TULP1: variants seen among roughly 807,000 people sequenced by gnomAD.
The protein encoded by TULP1 is TUB like protein 1.
A neutral mutation model predicts 67.1 loss-of-function variants in TULP1; 50 were observed. That is an observed-to-expected ratio of 0.75 (90% CI 0.59 to 0.94). The LOEUF (loss-of-function observed/expected upper bound fraction) is 0.94, where lower values mean the gene tolerates loss of function less well. TULP1 is among the 40% of genes least tolerant of loss of function. TULP1 has a pLI of 0.00. For synonymous variants in TULP1, 297 were observed against 294.0 expected (o/e 1.01, Z -0.11); for missense variants, 746 against 734.1 (o/e 1.02, Z -0.19).
Position 35,503,570 on chromosome 6 carries a change from G to A in TULP1, c.1312C>T (p.Arg438Trp), listed in dbSNP as rs753820059. The change falls in exon 13 of 15, where the codon CGG becomes TGG. Residue 438 changes from arginine to tryptophan, a missense_variant. This residue lies in a region of TULP1 where 383 missense variants were observed against 374.1 expected (regional missense o/e 1.02). Coordinates refer to ENST00000229771, the MANE Select transcript of TULP1 (RefSeq NM_003322.6). The surrounding 1 kb of genome is among the most constrained non-coding windows in gnomAD (Gnocchi z 4.0). ...GGTGCGGGGCTCACATTTCGGGGCC[G>A]GATGGGGACCCTCTCGTTCTCCGCA... ...MSAENERVPI[R>W]PRNASDGLLV... 2.9e-5 allele frequency: 45 copies of A among 1,575,414 alleles called. No individual in the cohort carries two copies. The highest frequency in any genetic ancestry group is 4.7e-5 in the East Asian group (2 of 42,606).
At position 35,503,575 on chromosome 6, in the gene TULP1, G is replaced by A; in HGVS notation, c.1307C>T (p.Pro436Leu). The part of the protein sequence containing the change: ...PGMSAENERV[P>L]IRPRNASDGL... ...GGGGCTCACATTTCGGGGCCGGATG[G>A]GGACCCTCTCGTTCTCCGCACTCAT... Residue 436 changes from proline to leucine, a missense_variant, in exon 13 of 15, where the codon CCC becomes CTC. Pro to Leu is a moderately conservative substitution (Grantham distance 98, BLOSUM62 -3). Coordinates refer to ENST00000229771, the MANE Select transcript of TULP1 (RefSeq NM_003322.6). This position sits in a 1 kb window ranked among gnomAD's most constrained non-coding sequence, Gnocchi z 4.0. 6.3e-7 allele frequency: 1 copy of A among 1,579,478 alleles called. No individual in the cohort carries two copies. The highest frequency in any genetic ancestry group is 1.2e-5 in the South Asian group (1 of 86,060).
At position 35,503,452 on chromosome 6, in the gene TULP1, T is replaced by G; in HGVS notation, c.1323+107A>C. 1 of 1,134,212 alleles carries G rather than the reference T, an allele frequency of 8.8e-7. No individual in the cohort carries two copies. Among genetic ancestry groups the G allele is most frequent in the Non-Finnish European group, 1.3e-6 (1 of 778,704 alleles). The allele number at this position is 1,134,212 out of a possible 1,614,324, so 70.3% of individuals were successfully genotyped here. A position where few individuals can be genotyped will look rare whatever the true frequency, so the allele number is the denominator to read the frequency against. On this transcript the variant is annotated intron_variant, in intron 13 of 14. Coordinates refer to ENST00000229771, the MANE Select transcript of TULP1 (RefSeq NM_003322.6). The surrounding 1 kb of genome is among the most constrained non-coding windows in gnomAD (Gnocchi z 4.0). The stretch of plus-strand genomic sequence containing the variant: ...TCCCTAGGTGGCCAGAATGAATTTG[T>G]GTTGGAGGGTGATGGATGTGCTCAG...
chr6:35,510,383 C>G (rs1051828947), intron 5 of TULP1, among the ~76,000 whole-genome samples: 23 of 152,152 alleles, frequency 1.5e-4, no homozygotes, highest in African/African-American at 5.6e-4. Flanking sequence ...TCCAGGAAAC[C>G]TTCTCTGGTC....
intron 13 of TULP1, 24 bp from the exon 14 acceptor site, chr6:35,500,176 CAG>C: frequency 6.2e-7 from 1 of 1,613,230 alleles, no homozygotes; most frequent in Non-Finnish European, 8.5e-7. Flanking sequence ...GGGGAGTAGA[CAG>C]GGAGAGGACA....
At position 35,506,430 on chromosome 6, in the gene TULP1, C is replaced by G. The variant is rs1761090327; in HGVS notation, c.823-151G>C. On this transcript the variant is annotated intron_variant, in intron 8 of 14. Transcript: ENST00000229771. ...TGTGATTTATTTTGATTCTGCTTAGCTTGTGGATAGGAGCACACACTCTGG... is the reference window on the plus strand; with the variant it reads ...TGTGATTTATTTTGATTCTGCTTAGGTTGTGGATAGGAGCACACACTCTGG... The G allele has an allele frequency of 5.0e-6, 5 of 993,586 alleles. No individual in the cohort carries two copies. In the East Asian group the frequency reaches 1.3e-4, roughly 26 times the overall value. The allele number at this position is 993,586 out of a possible 1,614,324, so 61.5% of individuals were successfully genotyped here.
At position 35,509,792 on chromosome 6, in the gene TULP1, C is replaced by T. The variant is rs765596502; in HGVS notation, c.601+35G>A. On this transcript the variant is annotated intron_variant, in intron 6 of 14. Coordinates refer to ENST00000229771, the MANE Select transcript of TULP1 (RefSeq NM_003322.6). Reference sequence around the variant, plus strand: ...GAAAGCGTCACAACCCCCACCGCAACTGGAGTCCCCTGTTCCTCCCTAGGC... The same window carrying T: ...GAAAGCGTCACAACCCCCACCGCAATTGGAGTCCCCTGTTCCTCCCTAGGC... 3 of 1,614,108 alleles carry T rather than the reference C, an allele frequency of 1.9e-6. No individual in the cohort carries two copies. In the East Asian group the frequency reaches 6.7e-5, roughly 36 times the overall value.
At chr6:35,510,792 A>T in intron 5 of TULP1, 69 bp downstream of exon 5, 1 of 1,608,346 alleles carries the variant, frequency 6.2e-7, no homozygotes, top group Admixed American at 1.7e-5. Context: ...TCTCAGTGAG[A>T]CGCCAAGCCC....
intron 8 of TULP1, among the ~76,000 whole-genome samples, chr6:35,508,879 G>A (rs1295096253): frequency 6.6e-6 from 1 of 152,116 alleles, no homozygotes; most frequent in Non-Finnish European, 1.5e-5. Context: ...CTGCCTCTCT[G>A]CCTGTGTGCT....
At chr6:35,502,832 A>G (rs1364152536) in intron 13 of TULP1, among the ~76,000 whole-genome samples, 1 of 151,824 alleles carries the variant, frequency 6.6e-6, no homozygotes, top group Non-Finnish European at 1.5e-5. Context: ...ACCACCTTCC[A>G]GTATGCTCCA....
Position 35,498,542 on chromosome 6 carries a change from GCAGT to G in TULP1, c.1496-86_1496-83del. 2.5e-6 allele frequency: 4 copies of G among 1,596,546 alleles called. No homozygotes were observed. Among genetic ancestry groups the G allele is most frequent in the Non-Finnish European group, 3.4e-6 (4 of 1,171,794 alleles). ...GCAGACAGTGCCCTCAACCTTGGGG[GCAGT>G]CTGTCCCTTGCCTTGGGGCTCCAAC... On this transcript the variant is annotated intron_variant, in intron 14 of 14. Transcript: ENST00000229771. The surrounding 1 kb of genome is among the most constrained non-coding windows in gnomAD (Gnocchi z 6.7).
At chr6:35,500,938 A>G (rs928694479) in intron 13 of TULP1, among the ~76,000 whole-genome samples, 19 of 152,192 alleles carry the variant, frequency 1.2e-4, no homozygotes, top group African/African-American at 4.3e-4. Context: ...TGAGCCTCCC[A>G]TGACTGGTGC....
chr6:35,504,822 T>A (rs1761048650), intron 11 of TULP1, among the ~76,000 whole-genome samples: 1 of 151,918 alleles, frequency 6.6e-6, no homozygotes, highest in Admixed American at 6.6e-5. Context: ...CGCCTCAGCC[T>A]CCCAAAGTGC....
At chr6:35,505,604 C>G (rs777339206) in intron 11 of TULP1, 137 bp downstream of exon 11, 1 of 1,539,414 alleles carries the variant, frequency 6.5e-7, no homozygotes. Context: ...TACATCAAAG[C>G]GAGAGGCCCT....
rs2150925489 is a variant in TULP1, at chr6:35,506,089, C to T, written c.913G>A (p.Val305Met). The change falls in exon 10 of 15, where the codon GTG becomes ATG. Residue 305 changes from valine to methionine, a missense_variant. By Grantham distance (21) the Val-to-Met change is conservative. This residue lies in a region of TULP1 where 383 missense variants were observed against 374.1 expected (regional missense o/e 1.02). Transcript: ENST00000229771. ...VLRPAPQGRTVRCRLTRDKKG... is the reference protein window; with the variant it reads ...VLRPAPQGRTMRCRLTRDKKG... ...TTGTCCCGGGTCAGCCGGCAGCGCA[C>T]CGTGCGGCCCTGGGGGGCAGGCCGG... 6.2e-7 allele frequency: 1 copy of T among 1,613,712 alleles called. No homozygotes were observed. The highest frequency in any genetic ancestry group is 2.2e-5 in the East Asian group (1 of 44,878).
chr6:35,512,304 G>A (rs1761227013), intron 2 of TULP1, 34 bp from the exon 3 acceptor site: 6 of 1,118,996 alleles, frequency 5.4e-6, no homozygotes, highest in Non-Finnish European at 7.3e-6. Context: ...GGTCGAGGAA[G>A]GAAAGGGGGG....
At chr6:35,505,623 G>A (rs1195908364) in intron 11 of TULP1, 118 bp downstream of exon 11, 10 of 1,550,666 alleles carry the variant, frequency 6.4e-6, no homozygotes, top group African/African-American at 2.7e-5. Flanking sequence ...CTAGGCTAGG[G>A]GACGTTTCCA....
At chr6:35,510,444 T>C (rs1304833785) in intron 5 of TULP1, among the ~76,000 whole-genome samples, 2 of 152,200 alleles carry the variant, frequency 1.3e-5, no homozygotes, top group African/African-American at 4.8e-5. Flanking sequence ...GTCCTAGCTC[T>C]AGGCCAGGCT....
At chr6:35,509,387 A>C (rs1761150985) in intron 7 of TULP1, 75 bp from the exon 8 acceptor site, 1 of 1,379,808 alleles carries the variant, frequency 7.2e-7, no homozygotes, top group South Asian at 1.2e-5. Context: ...CCCATGTCTC[A>C]CTTGGATGCT....
At chr6:35,511,174 G>T in intron 4 of TULP1, 164 bp from the exon 5 acceptor site, 1 of 1,461,730 alleles carries the variant, frequency 6.8e-7, no homozygotes, top group South Asian at 1.4e-5. Flanking sequence ...AAGAATGAGG[G>T]TGACTGGCAG....
Sources: allele counts gnomAD v4.1 joint callset (sites outside exome capture counted in the v4.1 genomes callset), GRCh38; gene constraint gnomAD v4.1.1; regional missense constraint gnomAD v4.1.1; non-coding constraint Gnocchi (gnomAD v3.1); transcripts MANE v1.5; gene names NCBI Gene and HGNC (gene_info 2026-07-23, HGNC 2026-07-21).